The following MAF variants were observed in gnomAD, a reference collection of about 807,000 sequenced individuals.
MAF encodes MAF bZIP transcription factor.
In MAF, 10 loss-of-function variants were observed where a neutral mutation model predicts 22.0. The ratio of observed to expected loss-of-function variants is 0.45; its 90% confidence interval spans 0.28 to 0.77. The LOEUF is 0.77. MAF is among the 30% of genes least tolerant of loss of function. MAF has a pLI of 0.12. For missense variants in MAF, 544 were observed against 548.4 expected (o/e 0.99, Z 0.08); for synonymous variants, 337 against 255.8 (o/e 1.32, Z -3.03).
the MAF span, among the ~76,000 whole-genome samples, chr16:79,479,021 C>G: frequency 1.3e-5 from 2 of 151,930 alleles, no homozygotes; most frequent in African/African-American, 2.4e-5. Flanking sequence ...TGTGCACCAC[C>G]CCAGCGTATA....
At chr16:79,534,710 C>T in the MAF span, among the ~76,000 whole-genome samples, 11 of 151,942 alleles carry the variant, frequency 7.2e-5, no homozygotes, top group African/African-American at 4.8e-5. Flanking sequence ...ATGTTGTGCA[C>T]ATGTACCCTA....
chr16:79,421,201 A>G, the MAF span, among the ~76,000 whole-genome samples: 2 of 152,224 alleles, frequency 1.3e-5, no homozygotes, highest in African/African-American at 4.8e-5. Context: ...TGCGTTTGTT[A>G]TTGTCCGCAG....
the MAF span, among the ~76,000 whole-genome samples, chr16:79,318,727 T>C: frequency 1.3e-5 from 2 of 152,194 alleles, no homozygotes; most frequent in African/African-American, 2.4e-5. Flanking sequence ...TTGCACCTGT[T>C]CCCTGAATAT....
At chr16:79,357,253 CACA>C in the MAF span, among the ~76,000 whole-genome samples, 30,355 of 145,534 alleles carry the variant, frequency 0.21, 3,117 homozygotes, top group Admixed American at 0.24. Flanking sequence ...AAGACTCTGT[CACA>C]ACAACAACAA....
chr16:79,545,687 T>C, the MAF span, among the ~76,000 whole-genome samples: 1 of 152,174 alleles, frequency 6.6e-6, no homozygotes, highest in Non-Finnish European at 1.5e-5. Context: ...ATGTAAGCTA[T>C]TTTAAAATAT....
chr16:79,233,451 G>A, the MAF span, among the ~76,000 whole-genome samples: 1 of 151,910 alleles, frequency 6.6e-6, no homozygotes, highest in Non-Finnish European at 1.5e-5. Context: ...GAGATTCAAG[G>A]TGGATGTCAT....
chr16:79,210,875 G>T, the MAF span, among the ~76,000 whole-genome samples: 1 of 152,166 alleles, frequency 6.6e-6, no homozygotes, highest in Admixed American at 6.5e-5. Flanking sequence ...TGCACTCTTT[G>T]CAACTTACAT....
the MAF span, among the ~76,000 whole-genome samples, chr16:79,269,016 A>G: frequency 2.6e-4 from 40 of 152,310 alleles, no homozygotes; most frequent in Middle Eastern, 3.4e-3. Context: ...AGGTGTTTTG[A>G]TATTTGCTAG....
chr16:79,450,385 A>G, the MAF span, among the ~76,000 whole-genome samples: 1 of 152,226 alleles, frequency 6.6e-6, no homozygotes, highest in Admixed American at 6.5e-5. Flanking sequence ...CCATCTATCA[A>G]TGTAGACTCT....
At chr16:79,571,530 A>T in the MAF span, among the ~76,000 whole-genome samples, 23 of 103,878 alleles carry the variant, frequency 2.2e-4, no homozygotes, top group South Asian at 1.1e-3. Context: ...TCTCAGCGGA[A>T]TTTTTTTTTT....
At chr16:79,269,706 C>A in the MAF span, among the ~76,000 whole-genome samples, 1 of 152,110 alleles carries the variant, frequency 6.6e-6, no homozygotes, top group Non-Finnish European at 1.5e-5. Flanking sequence ...ACTTCAAGGT[C>A]GGGGGCTGTC....
chr16:79,546,711 G>C, the MAF span, among the ~76,000 whole-genome samples: 1 of 152,076 alleles, frequency 6.6e-6, no homozygotes, highest in Non-Finnish European at 1.5e-5. Context: ...TTCTTTTTCT[G>C]ACTCAGTTTC....
At chr16:79,595,616 G>C in intron 1 of MAF, 3 of 1,058,722 alleles carry the variant, frequency 2.8e-6, no homozygotes, top group Non-Finnish European at 3.4e-6. Context: ...TCCTACTAGT[G>C]AAGGTAGTTT....
the MAF span, among the ~76,000 whole-genome samples, chr16:79,366,079 T>C: frequency 6.6e-6 from 1 of 152,244 alleles, no homozygotes; most frequent in South Asian, 2.1e-4. Context: ...GTTGTATTTT[T>C]TATTCAGAAA....
chr16:79,513,696 T>C, the MAF span, among the ~76,000 whole-genome samples: 1 of 152,204 alleles, frequency 6.6e-6, no homozygotes, highest in Non-Finnish European at 1.5e-5. Flanking sequence ...CTTGTTGAGC[T>C]TATTGAGCTC....
At chr16:79,383,995 G>A in the MAF span, among the ~76,000 whole-genome samples, 88 of 152,320 alleles carry the variant, frequency 5.8e-4, 1 homozygote, top group African/African-American at 2.1e-3. Context: ...TTGGCCCAGA[G>A]CATAAGACAG....
At chr16:79,381,254 G>C in the MAF span, among the ~76,000 whole-genome samples, 1 of 152,218 alleles carries the variant, frequency 6.6e-6, no homozygotes, top group Non-Finnish European at 1.5e-5. Flanking sequence ...TTCCTGTAAA[G>C]GGTTTAGACT....
chr16:79,532,687 C>T, the MAF span, among the ~76,000 whole-genome samples: 5 of 152,136 alleles, frequency 3.3e-5, no homozygotes, highest in Non-Finnish European at 5.9e-5. Context: ...CGTCATAAAG[C>T]ATTCGTGTGT....
the MAF span, among the ~76,000 whole-genome samples, chr16:79,306,354 A>C: frequency 6.6e-6 from 1 of 152,306 alleles, no homozygotes; most frequent in Non-Finnish European, 1.5e-5. Context: ...GGATGAGGAA[A>C]CCAGGCCCTT....
Sources: gnomAD v4.1 joint callset for allele counts (sites outside exome capture counted in the v4.1 genomes callset) on GRCh38, gnomAD v4.1.1 for gene constraint, MANE v1.5 for transcripts, NCBI Gene and HGNC (gene_info 2026-07-23, HGNC 2026-07-21) for gene names.